Variants in GRIK2 observed in about 807,000 individuals in gnomAD.
GRIK2 encodes glutamate receptor ionotropic, kainate 2.
Under a neutral mutation model 100.3 loss-of-function variants are expected in GRIK2, and 32 were observed. That is an observed-to-expected ratio of 0.32 (90% confidence interval 0.24 to 0.43). The LOEUF is 0.43. GRIK2 is among the 20% of genes least tolerant of loss of function. The pLI is 1.00. For synonymous variants in GRIK2, 417 were observed against 389.4 expected, an observed-to-expected ratio of 1.07 and a Z score of -0.83; for missense variants, 843 against 1,114.9, an observed-to-expected ratio of 0.76 and a Z score of 3.47.
rs531817958 is a variant in GRIK2 at position 101,567,486 on chromosome 6, C to T, written c.116-54463C>T. On this transcript the variant is annotated intron_variant, in intron 2 of 16. Coordinates refer to ENST00000369134, the MANE Select transcript of GRIK2 (RefSeq NM_021956.5). ...TCAAAACTGATATTATCTTTTATTG[C>T]TTAGGTGTTACCTGTTTTTCCTCTA... 4.4e-4 allele frequency among the ~76,000 whole-genome samples: 67 copies of T among 151,996 alleles called. 1 individual carries two copies. Among genetic ancestry groups the T allele is most frequent in the African/African-American group, 1.6e-3 (65 of 41,532 alleles).
chr6:101,707,481 ATAT>A (rs1773387101), intron 7 of GRIK2, among the ~76,000 whole-genome samples: 1 of 146,220 alleles, frequency 6.8e-6, no homozygotes, highest in Non-Finnish European at 1.5e-5. Flanking sequence ...TAATATATAA[ATAT>A]ATATATAAAT....
chr6:101,494,973 A>ATATATATATATATATATATATGCATT (rs1773352652), intron 2 of GRIK2, among the ~76,000 whole-genome samples: 1 of 105,094 alleles, frequency 9.5e-6, no homozygotes, highest in African/African-American at 4.7e-5. Context: ...ATATGCATTT[A>ATATATATATATATATATATATGCATT]TATATATATA....
chr6:101,532,984 G>T (rs1319123892), intron 2 of GRIK2, among the ~76,000 whole-genome samples: 3 of 151,812 alleles, frequency 2.0e-5, no homozygotes, highest in Non-Finnish European at 2.9e-5. Context: ...AGACACAGAA[G>T]GGAGGCTAAA....
In GRIK2 at chr6:102,040,195, G is replaced by A. The variant is rs1401480100; in HGVS notation, c.2311+4629G>A. On this transcript the variant is annotated intron_variant, in intron 15 of 16. Transcript: ENST00000369134. ...AAGATAAAGTGGACATATTTACAATGCCCTTTAATATGAAGATTAAATTTA... is the reference window on the plus strand; with the variant it reads ...AAGATAAAGTGGACATATTTACAATACCCTTTAATATGAAGATTAAATTTA... Among the ~76,000 whole-genome samples, 5 of 151,490 alleles carry A rather than the reference G, an allele frequency of 3.3e-5. No homozygotes were observed. In the East Asian group the frequency reaches 5.8e-4, roughly 18 times the overall value.
chr6:101,878,174 T>A (rs926970663), intron 11 of GRIK2, among the ~76,000 whole-genome samples: 2 of 149,642 alleles, frequency 1.3e-5, no homozygotes, highest in African/African-American at 4.9e-5. Context: ...ATTTTTTTCT[T>A]GATGGAAATA....
chr6:101,595,708 G>GTATATATATATATATATA, intron 2 of GRIK2, among the ~76,000 whole-genome samples: 1 of 125,620 alleles, frequency 8.0e-6, no homozygotes, highest in African/African-American at 3.2e-5. Context: ...ATGTGTGTGT[G>GTATATATATATATATATA]TGTGTGTGTG....
intron 14 of GRIK2, among the ~76,000 whole-genome samples, chr6:101,959,488 C>G (rs1289011661): frequency 1.3e-5 from 2 of 152,028 alleles, no homozygotes; most frequent in Admixed American, 1.3e-4. Context: ...CATGGTTGAT[C>G]TAGCTAACAA....
chr6:101,841,646 G>A (rs1014807655), intron 10 of GRIK2, among the ~76,000 whole-genome samples: 10 of 152,134 alleles, frequency 6.6e-5, no homozygotes, highest in African/African-American at 1.9e-4. Context: ...TTACAAGCGT[G>A]AGCCACCCCG....
intron 4 of GRIK2, among the ~76,000 whole-genome samples, chr6:101,661,685 C>G (rs1411152248): frequency 6.6e-6 from 1 of 152,068 alleles, no homozygotes; most frequent in Non-Finnish European, 1.5e-5. Flanking sequence ...ATGCACTTTT[C>G]CTCACAGCAC....
chr6:101,536,773 A>G (rs1438045924), intron 2 of GRIK2, among the ~76,000 whole-genome samples: 1 of 151,696 alleles, frequency 6.6e-6, no homozygotes, highest in Non-Finnish European at 1.5e-5. Flanking sequence ...ATTTTCCTTC[A>G]GTGAGGTTGT....
rs78253586 is a variant in GRIK2 at position 101,773,493 on chromosome 6, A to G, written c.952-26155A>G. 3.3e-4 allele frequency among the ~76,000 whole-genome samples: 47 copies of G among 143,298 alleles called. 1 individual carries two copies. Among genetic ancestry groups the G allele is most frequent in the African/African-American group, 1.3e-3 (46 of 36,122 alleles). The allele number at this position is 143,298 out of a possible 152,430, so 94.0% of individuals were successfully genotyped here. A position where few individuals can be genotyped will look rare whatever the true frequency, so the allele number is the denominator to read the frequency against. Reference sequence around the variant, plus strand: ...GACTTTGTCTCAAAAAAAAAAAAAAAGGAAAAAAAAAACTAGTGAAGAGAT... The same window carrying G: ...GACTTTGTCTCAAAAAAAAAAAAAAGGGAAAAAAAAAACTAGTGAAGAGAT... On this transcript the variant is annotated intron_variant, in intron 7 of 16. Transcript: ENST00000369134.
intron 14 of GRIK2, among the ~76,000 whole-genome samples, chr6:101,969,613 G>T (rs1434368287): frequency 2.0e-5 from 3 of 151,978 alleles, no homozygotes; most frequent in Non-Finnish European, 4.4e-5. Flanking sequence ...TTTCCGAACT[G>T]ATAGTTTTTG....
chr6:101,650,841 A>G (rs1781750185), intron 4 of GRIK2, among the ~76,000 whole-genome samples: 1 of 151,984 alleles, frequency 6.6e-6, no homozygotes, highest in Non-Finnish European at 1.5e-5. Context: ...TCTTTCCTTC[A>G]GTACATCCCA....
chr6:101,977,722 G>A (rs1793478367), intron 14 of GRIK2, among the ~76,000 whole-genome samples: 1 of 151,952 alleles, frequency 6.6e-6, no homozygotes, highest in Non-Finnish European at 1.5e-5. Flanking sequence ...GGAGATTTTA[G>A]TGGAAGACTT....
intron 2 of GRIK2, among the ~76,000 whole-genome samples, chr6:101,454,730 C>T (rs1162383429): frequency 6.6e-6 from 1 of 152,006 alleles, no homozygotes; most frequent in African/African-American, 2.4e-5. Flanking sequence ...CTGTGGGAAA[C>T]CATAAAGTTG....
chr6:101,529,915 G>T (rs1267782238), intron 2 of GRIK2, among the ~76,000 whole-genome samples: 1 of 151,964 alleles, frequency 6.6e-6, no homozygotes, highest in African/African-American at 2.4e-5. Flanking sequence ...GCCTTTTGTT[G>T]TCCATCAAGG....
chr6:101,607,699 A>T (rs1056030654), intron 2 of GRIK2, among the ~76,000 whole-genome samples: 1 of 151,956 alleles, frequency 6.6e-6, no homozygotes, highest in Non-Finnish European at 1.5e-5. Context: ...CATGCTAGCA[A>T]GGCATATTTC....
At chr6:101,936,874 G>C (rs910033973) in intron 14 of GRIK2, among the ~76,000 whole-genome samples, 2 of 152,098 alleles carry the variant, frequency 1.3e-5, no homozygotes, top group Non-Finnish European at 2.9e-5. Context: ...TTATCAAGCT[G>C]TCTGAAAATT....
At chr6:101,874,684 G>A (rs949599312) in intron 11 of GRIK2, among the ~76,000 whole-genome samples, 3 of 152,030 alleles carry the variant, frequency 2.0e-5, no homozygotes, top group African/African-American at 7.2e-5. Context: ...AAATTACCTT[G>A]GGCAGTATGG....
Sources: allele counts gnomAD v4.1 joint callset (sites outside exome capture counted in the v4.1 genomes callset), GRCh38; gene constraint gnomAD v4.1.1; transcripts MANE v1.5; gene names NCBI Gene and HGNC (gene_info 2026-07-23, HGNC 2026-07-21).